Variants in FHIT observed in about 807,000 individuals in gnomAD.
FHIT encodes the protein fragile histidine triad diadenosine triphosphatase.
Under a neutral mutation model 17.9 loss-of-function variants are expected in FHIT, and 19 were observed. The ratio of observed to expected loss-of-function variants is 1.06; its 90% CI spans 0.74 to 1.56. The LOEUF (loss-of-function observed/expected upper bound fraction) is 1.56. Ranked by LOEUF, FHIT falls within the 40% of genes most tolerant of loss-of-function variation. The pLI is 0.00. For synonymous variants in FHIT, 81 were observed against 69.7 expected, an observed-to-expected ratio of 1.16 and a Z score of -0.81; for missense variants, 248 against 189.2, an observed-to-expected ratio of 1.31 and a Z score of -1.82.
intron 5 of FHIT, among the ~76,000 whole-genome samples, chr3:60,060,302 C>T (rs7625055): frequency 0.032 from 4,853 of 152,202 alleles, 239 homozygotes; most frequent in African/African-American, 0.11. Context: ...TATCTCAAAA[C>T]CAAATTATAA....
In FHIT at chr3:61,155,276, C is replaced by T. The variant is rs145272447; in HGVS notation, c.-164+45341G>A. On this transcript the variant is annotated intron_variant, in intron 2 of 9. Transcript: ENST00000492590. ...GCAGACACAGAGATTCAATGTGGTG[C>T]TGACCTTTGTAACTTTCACAGGACT... Among the ~76,000 whole-genome samples the T allele has an allele frequency of 5.1e-4, 78 of 152,250 alleles. No individual in the cohort carries two copies. In the Middle Eastern group the frequency reaches 0.01, roughly 20 times the overall value.
intron 4 of FHIT, among the ~76,000 whole-genome samples, chr3:60,717,920 G>C (rs1027242494): frequency 6.6e-6 from 1 of 152,118 alleles, no homozygotes; most frequent in Non-Finnish European, 1.5e-5. Flanking sequence ...ACACGGCTTA[G>C]GATACTCAGG....
chr3:60,551,033 A>T (rs1254941714), intron 4 of FHIT, among the ~76,000 whole-genome samples: 1 of 152,182 alleles, frequency 6.6e-6, no homozygotes, highest in Non-Finnish European at 1.5e-5. Context: ...AATGATAAGA[A>T]GTCCACTGTA....
rs1014122204 is a variant in FHIT at position 61,103,419 on chromosome 3, C to G, written c.-163-61320G>C. On this transcript the variant is annotated intron_variant, in intron 2 of 9. Transcript: ENST00000492590. ...TTTGATTGCACTGTGGTCTGAGAGA[C>G]AGTTTGCTGTGATTCCTTTTCTTTT... is the stretch of plus-strand genomic sequence containing the variant. Among the ~76,000 whole-genome samples, 3 of 152,172 alleles carry G rather than the reference C, an allele frequency of 2.0e-5. No individual in the cohort carries two copies. In the East Asian group the frequency reaches 5.8e-4, roughly 29 times the overall value.
chr3:60,960,396 C>G (rs1709365604), intron 3 of FHIT, among the ~76,000 whole-genome samples: 1 of 152,150 alleles, frequency 6.6e-6, no homozygotes, highest in African/African-American at 2.4e-5. Context: ...AAACATCTTA[C>G]ACCAGTCATG....
At chr3:60,470,080 C>CTCTCTCTCTCTCT (rs370993192) in intron 5 of FHIT, among the ~76,000 whole-genome samples, 35 of 151,180 alleles carry the variant, frequency 2.3e-4, no homozygotes, top group South Asian at 1.1e-3. Flanking sequence ...CTCTCTCTCT[C>CTCTCTCTCTCTCT]CAGAGCTGCC....
rs1324641044 is a variant in FHIT, at chr3:60,895,651, C to CTCCTTCCTTCCTTCCTTCCT, written c.-110-73641_-110-73640insAGGAAGGAAGGAAGGAAGGA. Among the ~76,000 whole-genome samples, 186 of 136,046 alleles carry CTCCTTCCTTCCTTCCTTCCT rather than the reference C, an allele frequency of 1.4e-3. 8 individuals carry two copies. Among genetic ancestry groups the CTCCTTCCTTCCTTCCTTCCT allele is most frequent in the Middle Eastern group, 7.3e-3 (2 of 274 alleles). The allele number at this position is 136,046 out of a possible 152,430, so 89.3% of individuals were successfully genotyped here. A position where few individuals can be genotyped will look rare whatever the true frequency, so the allele number is the denominator to read the frequency against. ...TTTCTCCCTTCTTTCCTTCCTTTCC[C>CTCCTTCCTTCCTTCCTTCCT]TCCTTCCTTCCTTCCTTTCTTTCTT... On this transcript the variant is annotated intron_variant, in intron 3 of 9. Coordinates refer to ENST00000492590, the MANE Select transcript of FHIT (RefSeq NM_002012.4).
In FHIT at chr3:60,149,333, T is replaced by C. The variant is rs1220342921; in HGVS notation, c.104-135181A>G. On this transcript the variant is annotated intron_variant, in intron 5 of 9. Transcript: ENST00000492590. ...AAATAGAATAGTGTTGGATATACTC[T>C]TCAACATGCTTTTTTTTTTTTCAGG... Among the ~76,000 whole-genome samples, 115 of 122,456 alleles carry C rather than the reference T, an allele frequency of 9.4e-4. 1 individual carries two copies. The highest frequency in any genetic ancestry group is 1.3e-4 in the Non-Finnish European group (7 of 53,730). 80.3% of individuals were successfully genotyped at this position (122,456 alleles called of 152,430 possible).
Position 60,832,125 on chromosome 3 carries a change from T to G in FHIT, c.-110-10114A>C, listed in dbSNP as rs72886247. On this transcript the variant is annotated intron_variant, in intron 3 of 9. Coordinates refer to ENST00000492590, the MANE Select transcript of FHIT (RefSeq NM_002012.4). ...AATGCTCATTATGTGCTGGGCACCA[T>G]CTAAACATTTTTTTCCCCACATTAA... Among the ~76,000 whole-genome samples the G allele has an allele frequency of 1.4e-3, 213 of 152,166 alleles. 1 individual carries two copies. The highest frequency in any genetic ancestry group is 4.9e-3 in the African/African-American group (205 of 41,518).
At chr3:60,726,530 T>C (rs545523391) in intron 4 of FHIT, among the ~76,000 whole-genome samples, 2 of 152,252 alleles carry the variant, frequency 1.3e-5, no homozygotes, top group African/African-American at 4.8e-5. Flanking sequence ...CAGTTTTCAG[T>C]GGAGAAAATG....
chr3:60,780,361 G>C (rs71313792), intron 4 of FHIT, among the ~76,000 whole-genome samples: 1 of 152,146 alleles, frequency 6.6e-6, no homozygotes, highest in South Asian at 2.1e-4. Context: ...GGTTAGCTTA[G>C]GATTGGGCTC....
chr3:60,318,083 T>C (rs1005391168), intron 5 of FHIT, among the ~76,000 whole-genome samples: 2 of 152,104 alleles, frequency 1.3e-5, no homozygotes, highest in South Asian at 2.1e-4. Context: ...TGAGCCACCA[T>C]GCCCCGCCCC....
chr3:61,102,440 G>C (rs1284132289), intron 2 of FHIT, among the ~76,000 whole-genome samples: 1 of 152,188 alleles, frequency 6.6e-6, no homozygotes, highest in Non-Finnish European at 1.5e-5. Context: ...TTGATGTGTT[G>C]ATGGATTTGG....
intron 5 of FHIT, among the ~76,000 whole-genome samples, chr3:60,069,527 G>A (rs1702670350): frequency 6.6e-6 from 1 of 152,154 alleles, no homozygotes; most frequent in Non-Finnish European, 1.5e-5. Context: ...TAAGGCCCCT[G>A]CTTGTATAGC....
chr3:60,206,132 C>CAA (rs367903030), intron 5 of FHIT, among the ~76,000 whole-genome samples: 1 of 75,560 alleles, frequency 1.3e-5, no homozygotes, highest in Non-Finnish European at 2.7e-5. Flanking sequence ...GACTCCGTCT[C>CAA]AAAAAAAAAA....
At chr3:60,209,827 C>T (rs1336388985) in intron 5 of FHIT, among the ~76,000 whole-genome samples, 1 of 152,038 alleles carries the variant, frequency 6.6e-6, no homozygotes, top group African/African-American at 2.4e-5. Context: ...AGCAAACTAA[C>T]ACAGGAACAG....
At chr3:59,810,272 C>G (rs932037962) in intron 8 of FHIT, among the ~76,000 whole-genome samples, 3 of 152,114 alleles carry the variant, frequency 2.0e-5, no homozygotes, top group African/African-American at 7.2e-5. Context: ...ACGGTTTGAG[C>G]CTTGGGCTGT....
intron 4 of FHIT, among the ~76,000 whole-genome samples, chr3:60,680,573 T>TTG (rs1437083372): frequency 6.6e-6 from 1 of 151,640 alleles, no homozygotes; most frequent in East Asian, 1.9e-4. Context: ...TTTTTTTTTT[T>TTG]GCCAATGTTC....
At chr3:60,076,068 T>C (rs1265963991) in intron 5 of FHIT, among the ~76,000 whole-genome samples, 1 of 152,096 alleles carries the variant, frequency 6.6e-6, no homozygotes, top group Non-Finnish European at 1.5e-5. Context: ...CAGAGGAGCC[T>C]CAATAATCCC....
Sources: gnomAD v4.1 joint callset for allele counts (sites outside exome capture counted in the v4.1 genomes callset) on GRCh38, gnomAD v4.1.1 for gene constraint, MANE v1.5 for transcripts, NCBI Gene and HGNC (gene_info 2026-07-23, HGNC 2026-07-21) for gene names.